Variants in MS4A2 observed in about 807,000 individuals in gnomAD.
The protein encoded by MS4A2 is high affinity immunoglobulin epsilon receptor subunit beta.
MS4A2 carries 26 observed loss-of-function variants against 27.9 expected under a neutral mutation model. The ratio of observed to expected loss-of-function variants is 0.93; its 90% CI spans 0.68 to 1.29. MS4A2 has a LOEUF of 1.29. MS4A2 is among the 50% of genes most tolerant of loss of function. The pLI, the probability that MS4A2 is intolerant of heterozygous loss-of-function variation, is 0.00. For synonymous variants in MS4A2, 110 were observed against 98.8 expected (o/e 1.11, Z -0.67); for missense variants, 284 against 284.6 (o/e 1.00, Z 0.01).
At chr11:60,091,822 C>T (rs191007321) in intron 3 of MS4A2, among the ~76,000 whole-genome samples, 1 of 152,282 alleles carries the variant, frequency 6.6e-6, no homozygotes. Flanking sequence ...ATAATTGAAA[C>T]TTGTCTCTAC....
chr11:60,095,750 A>T lies in MS4A2; in HGVS notation c.*94A>T, dbSNP rs897423110. The T allele has an allele frequency of 6.3e-6, 5 of 789,654 alleles. No homozygotes were observed. In the South Asian group the frequency reaches 7.1e-5, roughly 11 times the overall value. 48.9% of individuals were successfully genotyped at this position (789,654 alleles called of 1,614,324 possible). The stretch of plus-strand genomic sequence containing the variant: ...TACTGGAAAAATTTCTATTCTCTCC[A>T]CAGCCTGCTGGTTTTACATTAGATT... On this transcript the variant is annotated 3_prime_UTR_variant, in exon 7 of 7. Coordinates refer to ENST00000278888, the MANE Select transcript of MS4A2 (RefSeq NM_000139.5).
chr11:60,093,188 C>T (rs547552813), intron 4 of MS4A2, among the ~76,000 whole-genome samples: 5 of 152,248 alleles, frequency 3.3e-5, no homozygotes, highest in South Asian at 2.1e-4. Context: ...GAGGAAAGAC[C>T]GTACGTGTTC....
chr11:60,094,023 C>T lies in MS4A2; in HGVS notation c.597C>T (p.Leu199=). The stretch of plus-strand genomic sequence containing the variant: ...TGGGACTTGGTAGTGCTGTGTCACT[C>T]ACAATCTGTGGAGCTGGGGAAGAAC... ...TILGLGSAVS[L]TICGAGEELK... is the part of the protein sequence containing the mutation. Residue 199 remains leucine (L), a synonymous_variant, in exon 6 of 7, where the codon CTC becomes CTT. Transcript: ENST00000278888. The T allele has an allele frequency of 6.2e-7, 1 of 1,613,996 alleles. No homozygotes were observed. Among genetic ancestry groups the T allele is most frequent in the South Asian group, 1.1e-5 (1 of 91,072 alleles).
At chr11:60,089,559 G>A in intron 1 of MS4A2, 133 bp from the exon 2 acceptor site, 1 of 1,199,386 alleles carries the variant, frequency 8.3e-7, no homozygotes, top group East Asian at 2.4e-5. Flanking sequence ...TAGTTTCTTG[G>A]TGATTACAAT....
chr11:60,092,536 T>G (rs183317177), intron 3 of MS4A2, among the ~76,000 whole-genome samples: 91 of 152,262 alleles, frequency 6.0e-4, no homozygotes, highest in African/African-American at 2.1e-3. Context: ...CCTCCGGTGA[T>G]TCCCCCGCCT....
Position 60,088,825 on chromosome 11 carries a change from G to C in MS4A2, c.56+4G>C. ...CTCTCCCACAGGAGCCTTCCAGGTA[G>C]GTACAAGGTATTATTTTTTTCTACC... On this transcript the variant is annotated splice_donor_region_variant and intron_variant, in intron 1 of 6. Transcript: ENST00000278888. 6.2e-7 allele frequency: 1 copy of C among 1,608,182 alleles called. No homozygotes were observed. Among genetic ancestry groups the C allele is most frequent in the Admixed American group, 1.7e-5 (1 of 59,700 alleles).
chr11:60,093,565 A>AT lies in MS4A2; in HGVS notation c.537+16dup, dbSNP rs562407920. 2.1e-4 allele frequency: 344 copies of AT among 1,601,142 alleles called. No homozygotes were observed. The highest frequency in any genetic ancestry group is 6.6e-4 in the Middle Eastern group (4 of 6,020). On this transcript the variant is annotated splice_region_variant and intron_variant, in intron 5 of 6. Coordinates refer to ENST00000278888, the MANE Select transcript of MS4A2 (RefSeq NM_000139.5). ...TATGGCTTCCTTTTCCACTGTATGTATTTTTTTTTGTGTGGGAAGACTAAG... is the reference window on the plus strand; with the variant it reads ...TATGGCTTCCTTTTCCACTGTATGTATTTTTTTTTTGTGTGGGAAGACTAAG...
intron 5 of MS4A2, 37 bp from the exon 6 acceptor site, chr11:60,093,927 T>C (rs1855819301): frequency 2.6e-6 from 4 of 1,515,378 alleles, no homozygotes; most frequent in Admixed American, 1.7e-5. Flanking sequence ...GAATACCATG[T>C]GACTCTTTTT....
Position 60,093,592 on chromosome 11 carries a change from T to C in MS4A2, c.537+34T>C, listed in dbSNP as rs113607645. 33 of 1,613,298 alleles carry C rather than the reference T, an allele frequency of 2.0e-5. 2 individuals carry two copies. The African/African-American group carries it at 2.9e-4, about 14-fold the overall frequency. On this transcript the variant is annotated intron_variant, in intron 5 of 6. Transcript: ENST00000278888. ...TTTTTTTTGTGTGGGAAGACTAAGA[T>C]TCTGGGTCCTAATGTAAGTAAGAAG...
chr11:60,092,526 C>G (rs923970004), intron 3 of MS4A2, among the ~76,000 whole-genome samples: 11 of 152,090 alleles, frequency 7.2e-5, no homozygotes, highest in Non-Finnish European at 1.0e-4. Flanking sequence ...GAACTCATGA[C>G]CTCCGGTGAT....
chr11:60,093,970 G>A lies in MS4A2; in HGVS notation c.544G>A (p.Val182Ile), dbSNP rs1363130270. 1.2e-6 allele frequency: 2 copies of A among 1,612,472 alleles called. No individual in the cohort carries two copies. Among genetic ancestry groups the A allele is most frequent in the Admixed American group, 1.7e-5 (1 of 60,018 alleles). ...ATTTGTTGCTGTTCAATAGGAAATT[G>A]TAGTGATGATGCTGTTTCTCACCAT... ...CFMASFSTEI[V>I]VMMLFLTILG... is the part of the protein sequence containing the mutation. The change falls in exon 6 of 7, where the codon GTA becomes ATA. Residue 182 changes from valine (V) to isoleucine (I), a missense_variant. By Grantham distance (29) the Val-to-Ile change is conservative. Transcript: ENST00000278888.
rs923455653 is a variant in MS4A2, at chr11:60,098,067, A to G, written c.*2411A>G. On this transcript the variant is annotated 3_prime_UTR_variant, in exon 7 of 7. Transcript: ENST00000278888. ...TATCTTTACAGTTGTATAGTATATGATATCTCTTTTATTTCACTCAATTTA... is the reference window on the plus strand; with the variant it reads ...TATCTTTACAGTTGTATAGTATATGGTATCTCTTTTATTTCACTCAATTTA... The G allele has an allele frequency of 2.0e-5, 3 of 152,198 alleles. No homozygotes were observed. Among genetic ancestry groups the G allele is most frequent in the African/African-American group, 7.2e-5 (3 of 41,444 alleles). The allele number at this position is 152,198 out of a possible 1,614,324, so 9.4% of individuals were successfully genotyped here. A position where few individuals can be genotyped will look rare whatever the true frequency, so the allele number is the denominator to read the frequency against.
In MS4A2 at chr11:60,093,479, A is replaced by G. The variant is rs752052062; in HGVS notation, c.458A>G (p.Lys153Arg). 4 of 1,614,236 alleles carry G rather than the reference A, an allele frequency of 2.5e-6. No homozygotes were observed. Among genetic ancestry groups the G allele is most frequent in the African/African-American group, 1.3e-5 (1 of 75,054 alleles). ...ATTACCATCCTGATCATCAACCTGA[A>G]GAAGAGCTTGGCCTATATCCACATC... is the stretch of plus-strand genomic sequence containing the variant. ...TGITILIINL[K>R]KSLAYIHIHS... Residue 153 changes from lysine (K) to arginine (R), a missense_variant, in exon 5 of 7, where the codon AAG becomes AGG. Physicochemically the swap from Lys to Arg is conservative, Grantham distance 26 (BLOSUM62 2). Coordinates refer to ENST00000278888, the MANE Select transcript of MS4A2 (RefSeq NM_000139.5).
intron 3 of MS4A2, among the ~76,000 whole-genome samples, chr11:60,091,640 T>C (rs1192518951): frequency 1.3e-5 from 2 of 152,230 alleles, no homozygotes; most frequent in Non-Finnish European, 2.9e-5. Flanking sequence ...ACTGTTTGTC[T>C]TCCTTCGCTG....
intron 3 of MS4A2, among the ~76,000 whole-genome samples, chr11:60,090,847 T>A (rs1450346912): frequency 1.3e-5 from 2 of 152,144 alleles, no homozygotes; most frequent in Non-Finnish European, 2.9e-5. Flanking sequence ...CAACTTTATC[T>A]GTCAACTAAA....
At chr11:60,095,090 C>T (rs896355099) in intron 6 of MS4A2, among the ~76,000 whole-genome samples, 1 of 151,880 alleles carries the variant, frequency 6.6e-6, no homozygotes, top group Non-Finnish European at 1.5e-5. Context: ...GGTGAAACTC[C>T]GTCTGTACTA....
At chr11:60,094,967 A>G (rs528293683) in intron 6 of MS4A2, among the ~76,000 whole-genome samples, 3 of 152,196 alleles carry the variant, frequency 2.0e-5, no homozygotes, top group Non-Finnish European at 4.4e-5. Context: ...GTGAGCCGAG[A>G]TCATGCCACT....
chr11:60,094,562 T>C (rs1855832210), intron 6 of MS4A2, among the ~76,000 whole-genome samples: 1 of 152,232 alleles, frequency 6.6e-6, no homozygotes, highest in Non-Finnish European at 1.5e-5. Context: ...CAGCACCTTG[T>C]GCTCATGTAC....
At chr11:60,094,186 T>C (rs566265533) in intron 6 of MS4A2, 124 bp downstream of exon 6, 1 of 718,392 alleles carries the variant, frequency 1.4e-6, no homozygotes, top group Admixed American at 2.1e-5. Context: ...CAAGTTTTAT[T>C]ACTTTGGTTT....
Sources: gnomAD v4.1 joint callset for allele counts (sites outside exome capture counted in the v4.1 genomes callset) on GRCh38, gnomAD v4.1.1 for gene constraint, MANE v1.5 for transcripts, NCBI Gene and HGNC (gene_info 2026-07-23, HGNC 2026-07-21) for gene names.